The following ARHGAP29 variants were observed in gnomAD, a reference collection of about 807,000 sequenced individuals.
ARHGAP29 encodes Rho GTPase activating protein 29.
ARHGAP29 carries 43 observed loss-of-function variants against 122.6 expected under a neutral mutation model. The ratio of observed to expected loss-of-function variants is 0.35; its 90% CI spans 0.27 to 0.45. The LOEUF is 0.45. Among genes scored for constraint, ARHGAP29 ranks in the 20% least tolerant of loss-of-function variants. ARHGAP29 has a pLI of 1.00. For synonymous variants in ARHGAP29, 506 were observed against 497.1 expected (o/e 1.02, Z -0.24); for missense variants, 1,303 against 1,477.2 (o/e 0.88, Z 1.93).
chr1:94,196,318 G>A (rs1312101170), intron 12 of ARHGAP29, among the ~76,000 whole-genome samples: 1 of 126,408 alleles, frequency 7.9e-6, no homozygotes, highest in Admixed American at 1.0e-4. Flanking sequence ...CTGGAGTGCA[G>A]TGGCGCGATC....
chr1:94,184,295 T>C lies in ARHGAP29; in HGVS notation c.2110-7A>G, dbSNP rs374069926. On this transcript the variant is annotated splice_polypyrimidine_tract_variant and splice_region_variant and intron_variant, in intron 18 of 22. Coordinates refer to ENST00000260526, the MANE Select transcript of ARHGAP29 (RefSeq NM_004815.4). ...CACACACACGATAAATTCCCTTCAA[T>C]AGAAAAGAAAAAAATTTTGCAAAAT... is the stretch of plus-strand genomic sequence containing the variant. The C allele has an allele frequency of 9.3e-5, 147 of 1,587,830 alleles. No individual in the cohort carries two copies. The highest frequency in any genetic ancestry group is 3.7e-5 in the Non-Finnish European group (43 of 1,172,822).
chr1:94,203,256 T>C, intron 8 of ARHGAP29, 46 bp from the exon 9 acceptor site: 2 of 1,416,144 alleles, frequency 1.4e-6, no homozygotes, highest in Non-Finnish European at 2.0e-6. Flanking sequence ...GAAATGGCAC[T>C]AGAATTCCAA....
At chr1:94,178,316 A>G in intron 20 of ARHGAP29, 149 bp from the exon 21 acceptor site, 2 of 713,104 alleles carry the variant, frequency 2.8e-6, no homozygotes, top group Non-Finnish European at 4.5e-6. Flanking sequence ...TATTTATTTG[A>G]TTAAAATATT....
Position 94,177,877 on chromosome 1 carries a change from T to C in ARHGAP29, c.2771A>G (p.Lys924Arg). Residue 924 changes from lysine (K) to arginine (R), a missense_variant, in exon 21 of 23, where the codon AAG becomes AGG. Lys to Arg is a conservative substitution (Grantham distance 26, BLOSUM62 2). Around this residue, in one of 3 missense-constraint regions of ARHGAP29, gnomAD observed 620 missense variants for 651.2 expected, o/e 0.95. Coordinates refer to ENST00000260526, the MANE Select transcript of ARHGAP29 (RefSeq NM_004815.4). ...TTCCTTTGAAGAAAAAAATAGTGAC[T>C]TCATGGAACGTTCAATGTCTCTTTC... ...PEERDIERSM[K>R]SLFFSSKEDI... The C allele has an allele frequency of 1.2e-6, 2 of 1,612,972 alleles. No homozygotes were observed. Among genetic ancestry groups the C allele is most frequent in the Non-Finnish European group, 8.5e-7 (1 of 1,179,712 alleles).
At chr1:94,211,754 T>A (rs1252468483) in intron 3 of ARHGAP29, among the ~76,000 whole-genome samples, 1 of 152,166 alleles carries the variant, frequency 6.6e-6, no homozygotes. Context: ...TTTTTATTTT[T>A]AAATTTTATT....
At chr1:94,281,343 C>A in the ARHGAP29 span, among the ~76,000 whole-genome samples, 1 of 152,166 alleles carries the variant, frequency 6.6e-6, no homozygotes, top group South Asian at 2.1e-4. Context: ...CCAAACATGA[C>A]AGCATGATAG....
intron 1 of ARHGAP29, among the ~76,000 whole-genome samples, chr1:94,269,663 A>G (rs191737434): frequency 6.6e-6 from 1 of 152,338 alleles, no homozygotes; most frequent in East Asian, 1.9e-4. Flanking sequence ...AAGTAATGCA[A>G]ATTAAAATAA....
chr1:94,191,005 T>C (rs777648557), intron 12 of ARHGAP29: 2 of 152,064 alleles, frequency 1.3e-5, no homozygotes, highest in Non-Finnish European at 2.9e-5. Context: ...AAAAGCTTCA[T>C]GGAGATCAAT....
At chr1:94,289,099 T>C in the ARHGAP29 span, among the ~76,000 whole-genome samples, 2 of 152,228 alleles carry the variant, frequency 1.3e-5, no homozygotes, top group Non-Finnish European at 2.9e-5. Flanking sequence ...ATTTTCACAA[T>C]ACTGATTCTT....
intron 1 of ARHGAP29, among the ~76,000 whole-genome samples, chr1:94,236,833 ATGAGAGCCCAACTGGAG>A (rs1653302379): frequency 6.6e-6 from 1 of 152,304 alleles, no homozygotes; most frequent in South Asian, 2.1e-4. Context: ...TATCTCAGGA[ATGAGAGCCCAACTGGAG>A]TGAGGGCTGC....
At chr1:94,241,734 T>A (rs375281427), upstream of ARHGAP29, among the ~76,000 whole-genome samples, 4 of 135,252 alleles carry the variant, frequency 3.0e-5, no homozygotes, top group Admixed American at 7.9e-5. Flanking sequence ...TAATATATAT[T>A]TATATATATA....
At chr1:94,256,517 T>TAGATTTAA (rs1654351694) in intron 1 of ARHGAP29, among the ~76,000 whole-genome samples, 1 of 135,802 alleles carries the variant, frequency 7.4e-6, no homozygotes, top group Admixed American at 7.8e-5. Context: ...AAACCAGAAA[T>TAGATTTAA]AGATTTAACA....
At chr1:94,275,127 C>T (rs192130293), upstream of ARHGAP29, 7 of 152,118 alleles carry the variant, frequency 4.6e-5, no homozygotes, top group Non-Finnish European at 1.0e-4. Context: ...CTGAGCCTAG[C>T]GATTTAGAAA....
chr1:94,262,387 G>A (rs6678421), intron 1 of ARHGAP29, among the ~76,000 whole-genome samples: 4,031 of 152,042 alleles, frequency 0.027, 183 homozygotes, highest in African/African-American at 0.092. Flanking sequence ...CTATTGCAAC[G>A]AAAGCAAAAC....
At position 94,237,548 on chromosome 1, in the gene ARHGAP29, C is replaced by T. The variant is rs1473775593; in HGVS notation, c.-166G>A. 8.1e-6 allele frequency: 8 copies of T among 991,214 alleles called. No individual in the cohort carries two copies. In the East Asian group the frequency reaches 8.9e-4, roughly 110 times the overall value. The allele number at this position is 991,214 out of a possible 1,614,324, so 61.4% of individuals were successfully genotyped here. A position where few individuals can be genotyped will look rare whatever the true frequency, so the allele number is the denominator to read the frequency against. On this transcript the variant is annotated 5_prime_UTR_variant, in exon 1 of 23. Coordinates refer to ENST00000260526, the MANE Select transcript of ARHGAP29 (RefSeq NM_004815.4). The stretch of plus-strand genomic sequence containing the variant: ...CGCCCGGCCAAATCTCAGCCGCAGC[C>T]GCAGCCGCAGCCACAGCCACAGGCA...
intron 1 of ARHGAP29, among the ~76,000 whole-genome samples, chr1:94,268,013 G>T (rs1654839049): frequency 6.6e-6 from 1 of 151,878 alleles, no homozygotes; most frequent in Non-Finnish European, 1.5e-5. Flanking sequence ...CCTTTCTGTA[G>T]CTCTCTTCAT....
chr1:94,269,876 C>T (rs1266720887), intron 1 of ARHGAP29, among the ~76,000 whole-genome samples: 1 of 152,022 alleles, frequency 6.6e-6, no homozygotes, highest in African/African-American at 2.4e-5. Flanking sequence ...GTTGAAGCTC[C>T]GTTTACTGGG....
At chr1:94,241,097 A>T (rs1215303145), upstream of ARHGAP29, among the ~76,000 whole-genome samples, 1 of 152,216 alleles carries the variant, frequency 6.6e-6, no homozygotes, top group Non-Finnish European at 1.5e-5. Context: ...AGAAAGAATT[A>T]TCCTGCCCAA....
the ARHGAP29 span, among the ~76,000 whole-genome samples, chr1:94,291,385 T>C: frequency 6.6e-6 from 1 of 152,240 alleles, no homozygotes; most frequent in African/African-American, 2.4e-5. Flanking sequence ...AGCACACTGA[T>C]GGGTCTTTAC....
Sources: gnomAD v4.1 joint callset for allele counts (sites outside exome capture counted in the v4.1 genomes callset) on GRCh38, gnomAD v4.1.1 for gene constraint, gnomAD v4.1.1 regional missense constraint, MANE v1.5 for transcripts, NCBI Gene and HGNC (gene_info 2026-07-23, HGNC 2026-07-21) for gene names.